The following API5 variants were observed in gnomAD, a reference collection of about 807,000 sequenced individuals.
API5 encodes the protein apoptosis inhibitor 5.
In API5, 6 loss-of-function variants were observed where a neutral mutation model predicts 71.9. That is an observed-to-expected ratio of 0.08 (90% CI 0.05 to 0.16). The LOEUF (loss-of-function observed/expected upper bound fraction) is 0.16. API5 is among the 10% of genes least tolerant of loss of function. API5 has a pLI of 1.00. For missense variants in API5, 332 were observed against 612.8 expected, an observed-to-expected ratio of 0.54 and a Z score of 4.84; for synonymous variants, 189 against 221.3, an observed-to-expected ratio of 0.85 and a Z score of 1.30.
intron 13 of API5, chr11:43,339,411 A>C (rs963090973): frequency 6.6e-6 from 1 of 152,240 alleles, no homozygotes; most frequent in African/African-American, 2.4e-5. Flanking sequence ...ATAATGAGGA[A>C]GTTTAGAAGT....
At chr11:43,332,044 C>T (rs1855275867) in intron 11 of API5, 1 of 152,150 alleles carries the variant, frequency 6.6e-6, no homozygotes, top group African/African-American at 2.4e-5. Context: ...TTATTACCTG[C>T]ATGCAGATGA....
At chr11:43,339,764 T>G (rs1255835280) in intron 13 of API5, among the ~76,000 whole-genome samples, 4 of 152,228 alleles carry the variant, frequency 2.6e-5, no homozygotes, top group Non-Finnish European at 5.9e-5. Flanking sequence ...CGTGAAATAC[T>G]GTGATCAAAA....
chr11:43,326,008 CA>C (rs1320947284), intron 6 of API5, among the ~76,000 whole-genome samples: 1 of 152,202 alleles, frequency 6.6e-6, no homozygotes, highest in African/African-American at 2.4e-5. Context: ...TTCCTCTCAT[CA>C]AACAGGGACA....
In API5 at chr11:43,338,679, A is replaced by G. The variant is rs1855516491; in HGVS notation, c.1492+2685A>G. 3.4e-5 allele frequency among the ~76,000 whole-genome samples: 5 copies of G among 145,294 alleles called. No homozygotes were observed. In the South Asian group the frequency reaches 1.1e-3, roughly 32 times the overall value. ...AAAAAAAAAAAAAAAAGCATTTGCCAATATAGAAAAGATAACTACGTCAAA... is the reference window on the plus strand; with the variant it reads ...AAAAAAAAAAAAAAAAGCATTTGCCGATATAGAAAAGATAACTACGTCAAA... On this transcript the variant is annotated intron_variant, in intron 13 of 13. Transcript: ENST00000531273.
At chr11:43,338,648 T>TTAAAA (rs748752244) in intron 13 of API5, among the ~76,000 whole-genome samples, 4 of 97,012 alleles carry the variant, frequency 4.1e-5, no homozygotes, top group Admixed American at 1.2e-4. Flanking sequence ...CAATTGGAGG[T>TTAAAA]AAAAAAAAAA....
At chr11:43,335,630 G>A (rs1384624180) in intron 12 of API5, among the ~76,000 whole-genome samples, 1 of 152,156 alleles carries the variant, frequency 6.6e-6, no homozygotes, top group Admixed American at 6.5e-5. Flanking sequence ...ATGTAAGTCT[G>A]TGAAGCTACA....
intron 13 of API5, among the ~76,000 whole-genome samples, chr11:43,339,530 C>A (rs1460401909): frequency 6.6e-6 from 1 of 152,160 alleles, no homozygotes; most frequent in Non-Finnish European, 1.5e-5. Context: ...TTCTCTGTGG[C>A]TATAAAAGTG....
Position 43,312,278 on chromosome 11 carries a change from G to C in API5, c.69+82G>C, listed in dbSNP as rs1854499892. 6.8e-6 allele frequency: 10 copies of C among 1,466,316 alleles called. No homozygotes were observed. The South Asian group carries it at 9.4e-5, about 14-fold the overall frequency. The allele number at this position is 1,466,316 out of a possible 1,614,324, so 90.8% of individuals were successfully genotyped here. A position where few individuals can be genotyped will look rare whatever the true frequency, so the allele number is the denominator to read the frequency against. On this transcript the variant is annotated intron_variant, in intron 1 of 13. Coordinates refer to ENST00000531273, the MANE Select transcript of API5 (RefSeq NM_001142930.2). The stretch of plus-strand genomic sequence containing the variant: ...CGCTTCCCGCCGCACTCCCCGGGCC[G>C]AGCGGGGGCTGCGGCTTCATCCTCC...
intron 13 of API5, among the ~76,000 whole-genome samples, chr11:43,339,872 T>C (rs1429218065): frequency 1.3e-5 from 2 of 151,276 alleles, no homozygotes; most frequent in Non-Finnish European, 3.0e-5. Context: ...TTCATAGTTA[T>C]ATGAGTTACC....
At chr11:43,335,813 G>T in intron 12 of API5, 45 bp from the exon 13 acceptor site, 11 of 1,558,700 alleles carry the variant, frequency 7.1e-6, no homozygotes, top group Non-Finnish European at 9.5e-6. Flanking sequence ...ATAGCTTTTG[G>T]CTTAATAGAA....
Position 43,330,543 on chromosome 11 carries a change from C to A in API5, c.1257C>A (p.Asn419Lys). The change falls in exon 11 of 14, where the codon AAC (asparagine) becomes AAA (lysine). Residue 419 changes from asparagine (N) to lysine (K), a missense_variant. By Grantham distance (94) the Asn-to-Lys change is moderately conservative (BLOSUM62 0). Around this residue, in one of 3 missense-constraint regions of API5, gnomAD observed 168 missense variants for 343.9 expected, o/e 0.49. Transcript: ENST00000531273. ...AAGTCGTTGCATTGAAAATAACAAA[C>A]AATATCAATGTTTTAATCAAGGTAA... ...KIKVVALKITNNINVLIKDLF... is the reference protein window; with the variant it reads ...KIKVVALKITKNINVLIKDLF... The A allele has an allele frequency of 6.3e-7, 1 of 1,597,300 alleles. No individual in the cohort carries two copies. The highest frequency in any genetic ancestry group is 8.6e-7 in the Non-Finnish European group (1 of 1,165,636).
At position 43,312,213 on chromosome 11, in the gene API5, GGCGGCCTGCAGGGCCTGGCGCTCC is replaced by G; in HGVS notation, c.69+25_69+48del. Reference sequence around the variant, plus strand: ...GTGGGCCAGGTGAGTTGAGTCCCCGGGCGGCCTGCAGGGCCTGGCGCTCCGCGGCCTTTCGAAAGCGCTTCCCGC... The same window carrying G: ...GTGGGCCAGGTGAGTTGAGTCCCCGGGCGGCCTTTCGAAAGCGCTTCCCGC... On this transcript the variant is annotated intron_variant, in intron 1 of 13. Transcript: ENST00000531273. 1 of 1,612,746 alleles carries G rather than the reference GGCGGCCTGCAGGGCCTGGCGCTCC, an allele frequency of 6.2e-7. No homozygotes were observed. The highest frequency in any genetic ancestry group is 1.7e-5 in the Admixed American group (1 of 59,936).
At position 43,334,174 on chromosome 11, in the gene API5, A is replaced by G. The variant is rs143184575; in HGVS notation, c.1279-1104A>G. 9.7e-4 allele frequency among the ~76,000 whole-genome samples: 147 copies of G among 152,276 alleles called. No individual in the cohort carries two copies. In the East Asian group the frequency reaches 0.01, roughly 10 times the overall value. ...ATAAATTTTTTGTTTTTGGGAGAAC[A>G]TAGGTATGTTTTAATCCATCCTTGA... On this transcript the variant is annotated intron_variant, in intron 11 of 13. Coordinates refer to ENST00000531273, the MANE Select transcript of API5 (RefSeq NM_001142930.2).
chr11:43,323,749 G>A (rs902545698), intron 6 of API5, 113 bp downstream of exon 6: 4 of 999,204 alleles, frequency 4.0e-6, no homozygotes, highest in South Asian at 1.6e-5. Context: ...TGAAATGCTT[G>A]CTTGGAACCA....
chr11:43,314,064 G>A (rs1272097524), intron 1 of API5, among the ~76,000 whole-genome samples: 1 of 151,412 alleles, frequency 6.6e-6, no homozygotes, highest in African/African-American at 2.4e-5. Context: ...ACTCCAGCCT[G>A]GGCAACAGAG....
intron 1 of API5, among the ~76,000 whole-genome samples, chr11:43,314,745 G>T (rs143785259): frequency 6.6e-6 from 1 of 152,184 alleles, no homozygotes; most frequent in Non-Finnish European, 1.5e-5. Context: ...ATTGTGAATT[G>T]TAGGAAAACC....
At chr11:43,321,515 T>C (rs747820811) in intron 4 of API5, 39 bp downstream of exon 4, 1 of 1,480,242 alleles carries the variant, frequency 6.8e-7, no homozygotes. Flanking sequence ...TTTGATGTCT[T>C]ACAGAATCAC....
intron 13 of API5, 39 bp downstream of exon 13, chr11:43,336,033 T>G (rs192863202): frequency 1.9e-6 from 3 of 1,605,198 alleles, no homozygotes; most frequent in South Asian, 1.1e-5. Context: ...TATGAGAGAT[T>G]AGGCAGAAAT....
At chr11:43,330,438 C>A in intron 10 of API5, 70 bp from the exon 11 acceptor site, 1 of 1,105,478 alleles carries the variant, frequency 9.0e-7, no homozygotes, top group Non-Finnish European at 1.4e-6. Context: ...TACTCTAGTT[C>A]TATGACAGAA....
Sources: allele counts gnomAD v4.1 joint callset (sites outside exome capture counted in the v4.1 genomes callset), GRCh38; gene constraint gnomAD v4.1.1; regional missense constraint gnomAD v4.1.1; transcripts MANE v1.5; gene names NCBI Gene and HGNC (gene_info 2026-07-23, HGNC 2026-07-21).